Variants in MYRF observed in about 807,000 individuals in gnomAD.
MYRF encodes the protein myelin regulatory factor.
In MYRF, 16 loss-of-function variants were observed where a neutral mutation model predicts 126.3. The ratio of observed to expected loss-of-function variants is 0.13; its 90% CI spans 0.09 to 0.19. The LOEUF is 0.19. Ranked by LOEUF, MYRF falls within the 10% of genes least tolerant of loss-of-function variation. The pLI, the probability that MYRF is intolerant of heterozygous loss-of-function variation, is 1.00. For synonymous variants in MYRF, 608 were observed against 635.3 expected, an observed-to-expected ratio of 0.96 and a Z score of 0.65; for missense variants, 1,104 against 1,547.0, an observed-to-expected ratio of 0.71 and a Z score of 4.80.
rs527260618 is a variant in MYRF, at chr11:61,757,601, C to G, written c.46+4811C>G. ...CTGAACCATGACAGCTCTGGCCCAGCGTGGCCTGGTCCTGGTCCCTGGCAC... is the reference window on the plus strand; with the variant it reads ...CTGAACCATGACAGCTCTGGCCCAGGGTGGCCTGGTCCTGGTCCCTGGCAC... On this transcript the variant is annotated intron_variant, in intron 1 of 26. Transcript: ENST00000278836. The surrounding 1 kb of genome is among the most constrained non-coding windows in gnomAD (Gnocchi z 4.7). 6.6e-6 allele frequency: 3 copies of G among 455,644 alleles called. No homozygotes were observed. Among genetic ancestry groups the G allele is most frequent in the South Asian group, 4.7e-5 (3 of 64,476 alleles). 28.2% of individuals were successfully genotyped at this position (455,644 alleles called of 1,614,324 possible).
intron 22 of MYRF, chr11:61,782,959 G>C (rs529087667): frequency 1.4e-4 from 22 of 153,158 alleles, no homozygotes; most frequent in African/African-American, 5.1e-4. Flanking sequence ...AACTAGATGA[G>C]CAAGAAGTCC....
chr11:61,780,614 C>A, intron 18 of MYRF, 98 bp from the exon 19 acceptor site: 1 of 1,221,586 alleles, frequency 8.2e-7, no homozygotes, highest in Non-Finnish European at 1.2e-6. Context: ...GCTCTGTGAG[C>A]CCACTGTCAC....
intron 21 of MYRF, 76 bp from the exon 22 acceptor site, chr11:61,781,497 T>C: frequency 1.3e-6 from 2 of 1,563,718 alleles, no homozygotes; most frequent in East Asian, 2.2e-5. Flanking sequence ...CACTCAGTCT[T>C]GTGGGGCCCT....
At chr11:61,775,786 GTGTT>G (rs1319327517) in intron 8 of MYRF, among the ~76,000 whole-genome samples, 1 of 151,570 alleles carries the variant, frequency 6.6e-6, no homozygotes, top group Non-Finnish European at 1.5e-5. Context: ...GGGGGTGTGG[GTGTT>G]TGGGGAGTGA....
chr11:61,755,748 C>T (rs2065734275), intron 1 of MYRF: 1 of 613,376 alleles, frequency 1.6e-6, no homozygotes, highest in East Asian at 3.4e-5. Flanking sequence ...GGAAGGGGTG[C>T]CTGCTGGCCC....
At position 61,765,728 on chromosome 11, in the gene MYRF, G is replaced by A. The variant is rs370952295; in HGVS notation, c.134+16G>A. On this transcript the variant is annotated intron_variant, in intron 2 of 26. Transcript: ENST00000278836. Reference sequence around the variant, plus strand: ...CCTCCGACCTGTGAGTGGCCCCCTCGCCCGGCCTGCACCCGCCCAGCCCCA... The same window carrying A: ...CCTCCGACCTGTGAGTGGCCCCCTCACCCGGCCTGCACCCGCCCAGCCCCA... The A allele has an allele frequency of 6.9e-6, 11 of 1,603,894 alleles. No individual in the cohort carries two copies. Among genetic ancestry groups the A allele is most frequent in the Middle Eastern group, 1.9e-4 (1 of 5,308 alleles).
chr11:61,767,813 C>CAAAA (rs35214869), intron 3 of MYRF, among the ~76,000 whole-genome samples: 35 of 64,866 alleles, frequency 5.4e-4, no homozygotes, highest in African/African-American at 9.8e-4. Flanking sequence ...GACCCTGTCT[C>CAAAA]AAAAAAAAAA....
chr11:61,769,313 A>T lies in MYRF; in HGVS notation c.452A>T (p.Gln151Leu). The change falls in exon 4 of 27, where the codon CAG becomes CTG. Residue 151 changes from glutamine (Q) to leucine (L), a missense_variant. Physicochemically the swap from Gln to Leu is moderately radical, Grantham distance 113. Transcript: ENST00000278836. ...DSGSEAYSPQQVNEPHLLRTI... is the reference protein window; with the variant it reads ...DSGSEAYSPQLVNEPHLLRTI... ...GGCTCCGAGGCCTACTCCCCCCAGCAGGTGAATGGTGAGTCCAGCGGGCAC... is the reference window on the plus strand; with the variant it reads ...GGCTCCGAGGCCTACTCCCCCCAGCTGGTGAATGGTGAGTCCAGCGGGCAC... The T allele has an allele frequency of 6.2e-7, 1 of 1,609,852 alleles. No individual in the cohort carries two copies. The highest frequency in any genetic ancestry group is 8.5e-7 in the Non-Finnish European group (1 of 1,178,622).
chr11:61,770,452 C>A lies in MYRF; in HGVS notation c.667C>A (p.Leu223Met). Residue 223 changes from leucine to methionine, a missense_variant, in exon 5 of 27, where the codon CTG (leucine) becomes ATG (methionine). Physicochemically the swap from Leu to Met is conservative, Grantham distance 15. Coordinates refer to ENST00000278836, the MANE Select transcript of MYRF (RefSeq NM_001127392.3). ...CCACTACGCTGCCATGGGGCAGGGG[C>A]TGGTGCCCACTGATCTTCACCACAC... ...IPHYAAMGQG[L>M]VPTDLHHTQQ... is the part of the protein sequence containing the mutation. 6.5e-7 allele frequency: 1 copy of A among 1,550,130 alleles called. No homozygotes were observed. The highest frequency in any genetic ancestry group is 8.7e-7 in the Non-Finnish European group (1 of 1,146,602).
Position 61,786,371 on chromosome 11 carries a change from C to T in MYRF, c.*228C>T, listed in dbSNP as rs755413655. The T allele has an allele frequency of 5.2e-6, 3 of 582,206 alleles. No homozygotes were observed. Among genetic ancestry groups the T allele is most frequent in the African/African-American group, 1.9e-5 (1 of 53,500 alleles). The allele number at this position is 582,206 out of a possible 1,614,324, so 36.1% of individuals were successfully genotyped here. On this transcript the variant is annotated 3_prime_UTR_variant, in exon 27 of 27. Coordinates refer to ENST00000278836, the MANE Select transcript of MYRF (RefSeq NM_001127392.3). This position sits in a 1 kb window ranked among gnomAD's most constrained non-coding sequence, Gnocchi z 4.5. ...AGAGCCAGAGACTTCTTGGGCCTTCCTGCCTGCCACCCCCTAGGGGCCAGG... is the reference window on the plus strand; with the variant it reads ...AGAGCCAGAGACTTCTTGGGCCTTCTTGCCTGCCACCCCCTAGGGGCCAGG...
intron 5 of MYRF, among the ~76,000 whole-genome samples, chr11:61,771,134 A>G (rs149804): frequency 0.31 from 47,073 of 152,102 alleles, 8,708 homozygotes; most frequent in Middle Eastern, 0.48. Flanking sequence ...TGCTCTCCAT[A>G]GAGCCCCCAC....
At position 61,776,114 on chromosome 11, in the gene MYRF, G is replaced by T; in HGVS notation, c.1370G>T (p.Arg457Leu). 6.2e-7 allele frequency: 1 copy of T among 1,614,042 alleles called. No individual in the cohort carries two copies. The highest frequency in any genetic ancestry group is 8.5e-7 in the Non-Finnish European group (1 of 1,179,970). Residue 457 changes from arginine to leucine, a missense_variant, in exon 9 of 27, where the codon CGG becomes CTG. Around this residue, in one of 10 missense-constraint regions of MYRF, gnomAD observed 23 missense variants for 26.6 expected, o/e 0.86. Transcript: ENST00000278836. This position sits in a 1 kb window ranked among gnomAD's most constrained non-coding sequence, Gnocchi z 4.3. ...IEQSQSDRSK[R>L]PFNPVTVNLP... ...CAGTCCCAGTCAGACCGGAGCAAGC[G>T]GCCCTTCAACCCGGTCACGTGAGTG...
At chr11:61,785,898 C>G in intron 26 of MYRF, 24 bp downstream of exon 26, 4 of 1,611,260 alleles carry the variant, frequency 2.5e-6, no homozygotes, top group Non-Finnish European at 3.4e-6. Context: ...TCCCACCTAC[C>G]CTGGAGGTCT....
At chr11:61,765,151 G>A (rs2066018908) in intron 1 of MYRF, among the ~76,000 whole-genome samples, 1 of 152,314 alleles carries the variant, frequency 6.6e-6, no homozygotes, top group African/African-American at 2.4e-5. Flanking sequence ...GACCCCTGGA[G>A]GACACGGCAG....
In MYRF at chr11:61,785,796, C is replaced by A. The variant is rs2066679144; in HGVS notation, c.3301-4C>A. The A allele has an allele frequency of 6.2e-7, 1 of 1,613,742 alleles. No individual in the cohort carries two copies. The highest frequency in any genetic ancestry group is 8.5e-7 in the Non-Finnish European group (1 of 1,179,740). ...GTCCTGACCCCTCTCTCCCTTCTCT[C>A]CAGGGCACCTCTCACCGGTGGCCAA... On this transcript the variant is annotated splice_region_variant and splice_polypyrimidine_tract_variant and intron_variant, in intron 25 of 26. Coordinates refer to ENST00000278836, the MANE Select transcript of MYRF (RefSeq NM_001127392.3).
At chr11:61,779,099 C>A in intron 14 of MYRF, 164 bp from the exon 15 acceptor site, 1 of 702,364 alleles carries the variant, frequency 1.4e-6, no homozygotes, top group Non-Finnish European at 2.4e-6. Flanking sequence ...GGAGCCGAGG[C>A]TGGATTGGAG....
chr11:61,768,263 C>T (rs960327649), intron 3 of MYRF, among the ~76,000 whole-genome samples: 2 of 152,146 alleles, frequency 1.3e-5, no homozygotes, highest in Admixed American at 1.3e-4. Flanking sequence ...GAGGAGAGAA[C>T]ACAAGGTGCT....
chr11:61,762,704 G>A lies in MYRF; in HGVS notation c.47-2921G>A, dbSNP rs534012642. ...GTGGTTCACGGGCGGGCTGGGGGCC[G>A]AGCGGCGTGGGAAAGAGACGACGCG... On this transcript the variant is annotated intron_variant, in intron 1 of 26. Transcript: ENST00000278836. Among the ~76,000 whole-genome samples, 111 of 152,280 alleles carry A rather than the reference G, an allele frequency of 7.3e-4. 1 individual carries two copies. The highest frequency in any genetic ancestry group is 1.9e-4 in the East Asian group (1 of 5,172).
In MYRF at chr11:61,761,854, T is replaced by C. The variant is rs369292347; in HGVS notation, c.47-3771T>C. On this transcript the variant is annotated intron_variant, in intron 1 of 26. Transcript: ENST00000278836. ...TGTAGGTTGGGATGAGAATTCAATA[T>C]GAGCCATGTAAAGTGCATGGCACAG... 5.3e-5 allele frequency among the ~76,000 whole-genome samples: 8 copies of C among 152,362 alleles called. No homozygotes were observed. In the South Asian group the frequency reaches 1.7e-3, roughly 32 times the overall value.
Sources: gnomAD v4.1 joint callset for allele counts (sites outside exome capture counted in the v4.1 genomes callset) on GRCh38, gnomAD v4.1.1 for gene constraint, gnomAD v4.1.1 regional missense constraint, Gnocchi (gnomAD v3.1) non-coding constraint, MANE v1.5 for transcripts, NCBI Gene and HGNC (gene_info 2026-07-23, HGNC 2026-07-21) for gene names.